The following RAB30 variants were observed in gnomAD, a reference collection of about 807,000 sequenced individuals.
RAB30 encodes the protein RAB30, member RAS oncogene family, also known as ras-related protein Rab-30.
RAB30 carries 9 observed loss-of-function variants against 25.1 expected under a neutral mutation model. The observed-to-expected ratio is 0.36, with a 90% CI of 0.22 to 0.63. The LOEUF is 0.63. Ranked by LOEUF, RAB30 falls within the 20% of genes least tolerant of loss-of-function variation. The probability of loss-of-function intolerance (pLI) is 0.69; values close to 1 mark genes in which losing one functional copy is unlikely to be tolerated. For missense variants in RAB30, 140 were observed against 243.5 expected, an observed-to-expected ratio of 0.58 and a Z score of 2.83; for synonymous variants, 77 against 86.4, an observed-to-expected ratio of 0.89 and a Z score of 0.60.
intron 1 of RAB30, among the ~76,000 whole-genome samples, chr11:83,032,987 T>A (rs564549192): frequency 1.3e-5 from 2 of 151,930 alleles, no homozygotes; most frequent in South Asian, 4.2e-4. Context: ...CATAATAATA[T>A]GGTTTTGATG....
At chr11:83,021,494 G>T (rs992668707) in intron 1 of RAB30, among the ~76,000 whole-genome samples, 1 of 152,212 alleles carries the variant, frequency 6.6e-6, no homozygotes, top group Non-Finnish European at 1.5e-5. Flanking sequence ...GCCTCACAGA[G>T]AGCTAGCGCC....
chr11:83,022,424 G>A (rs1189928157), intron 1 of RAB30, among the ~76,000 whole-genome samples: 1 of 152,044 alleles, frequency 6.6e-6, no homozygotes, highest in Non-Finnish European at 1.5e-5. Context: ...TTCCCAAAGT[G>A]TTGGTATTAC....
chr11:83,009,053 G>T (rs1237342796), intron 1 of RAB30, among the ~76,000 whole-genome samples: 1 of 150,518 alleles, frequency 6.6e-6, no homozygotes, highest in Non-Finnish European at 1.5e-5. Context: ...ATTTATTAAA[G>T]AAATGGCCAA....
intron 1 of RAB30, among the ~76,000 whole-genome samples, chr11:83,048,080 C>T (rs1338102979): frequency 1.3e-4 from 20 of 152,050 alleles, no homozygotes; most frequent in Admixed American, 1.2e-3. Context: ...CCTGTCTCTA[C>T]AAAAAATAAA....
intron 1 of RAB30, among the ~76,000 whole-genome samples, chr11:83,009,291 T>G (rs1046670055): frequency 1.8e-4 from 27 of 152,228 alleles, no homozygotes; most frequent in Middle Eastern, 6.8e-3. Context: ...TTCTCAAACT[T>G]CTGACCTCAG....
intron 1 of RAB30, among the ~76,000 whole-genome samples, chr11:83,027,091 GC>G (rs1334451885): frequency 6.6e-6 from 1 of 152,124 alleles, no homozygotes; most frequent in Non-Finnish European, 1.5e-5. Flanking sequence ...AACTCCAAAG[GC>G]CTGTCTCTGG....
At chr11:82,998,546 T>TA (rs34769119) in intron 1 of RAB30, among the ~76,000 whole-genome samples, 29,823 of 107,752 alleles carry the variant, frequency 0.28, 4,180 homozygotes, top group African/African-American at 0.42. Context: ...AGACTCTGTC[T>TA]AAAAAAAAAA....
intron 1 of RAB30, among the ~76,000 whole-genome samples, chr11:83,051,462 C>A (rs1189288999): frequency 2.0e-5 from 3 of 152,112 alleles, no homozygotes; most frequent in Non-Finnish European, 4.4e-5. Flanking sequence ...TGGGTTGCTT[C>A]CGTCCATAAC....
intron 1 of RAB30, among the ~76,000 whole-genome samples, chr11:83,061,634 T>C (rs1373534671): frequency 1.3e-5 from 2 of 151,982 alleles, no homozygotes; most frequent in Non-Finnish European, 2.9e-5. Context: ...AAAAGCAAAT[T>C]AATCCAGATA....
At chr11:83,054,443 G>C (rs1050540589) in intron 1 of RAB30, among the ~76,000 whole-genome samples, 1 of 152,210 alleles carries the variant, frequency 6.6e-6, no homozygotes, top group African/African-American at 2.4e-5. Flanking sequence ...TAGGTTTTTA[G>C]ATCTGGGAGA....
At chr11:83,038,654 C>T (rs1590869123) in intron 1 of RAB30, 1 of 152,018 alleles carries the variant, frequency 6.6e-6, no homozygotes, top group African/African-American at 2.4e-5. Context: ...AACCCTGTCT[C>T]TACTAAAAAT....
At chr11:83,028,575 T>C (rs1350061486) in intron 1 of RAB30, among the ~76,000 whole-genome samples, 1 of 152,032 alleles carries the variant, frequency 6.6e-6, no homozygotes, top group East Asian at 1.9e-4. Flanking sequence ...AGGTTATATA[T>C]AAAGAATCAG....
chr11:82,993,490 C>T (rs1478868654), intron 3 of RAB30, among the ~76,000 whole-genome samples: 1 of 152,202 alleles, frequency 6.6e-6, no homozygotes, highest in African/African-American at 2.4e-5. Flanking sequence ...TTGTCCTGTT[C>T]CTGGACACAC....
rs12282637 is a variant in RAB30 at position 82,976,406 on chromosome 11, T to C, written c.*5759A>G. On this transcript the variant is annotated 3_prime_UTR_variant, in exon 5 of 5. Transcript: ENST00000527633. ...CTCAAATATTGTGCTTCGTCTAAAG[T>C]CTCAGCTAATTTGTGGCATACTAGA... 38,735 of 152,078 alleles carry C rather than the reference T, an allele frequency of 0.25. 5,782 individuals are homozygous for C. Among genetic ancestry groups the C allele is most frequent in the Non-Finnish European group, 0.32 (22,017 of 67,966 alleles). The allele number at this position is 152,078 out of a possible 1,614,324, so 9.4% of individuals were successfully genotyped here.
intron 1 of RAB30, among the ~76,000 whole-genome samples, chr11:83,045,919 G>A (rs1462007708): frequency 1.3e-5 from 2 of 152,152 alleles, no homozygotes; most frequent in East Asian, 3.8e-4. Flanking sequence ...TTTGTTAAAT[G>A]AGAGGTTATA....
intron 1 of RAB30, among the ~76,000 whole-genome samples, chr11:83,000,127 C>G (rs191194307): frequency 1.3e-5 from 2 of 152,108 alleles, no homozygotes; most frequent in African/African-American, 4.8e-5. Flanking sequence ...TGCTGAGACA[C>G]AAGAGAAGTT....
At chr11:83,014,806 C>T (rs1428320406) in intron 1 of RAB30, among the ~76,000 whole-genome samples, 2 of 135,432 alleles carry the variant, frequency 1.5e-5, no homozygotes, top group Non-Finnish European at 3.2e-5. Flanking sequence ...GGGAGGGAGG[C>T]AGGAAGGAAG....
rs974505954 is a variant in RAB30, at chr11:82,976,743, A to G, written c.*5422T>C. On this transcript the variant is annotated 3_prime_UTR_variant, in exon 5 of 5. Transcript: ENST00000527633. ...AAAAAAACAAAACAAAACCATAAAA[A>G]AAGACCAATGAAGAGCCGTCTATCA... 5 of 152,280 alleles carry G rather than the reference A, an allele frequency of 3.3e-5. No homozygotes were observed. The highest frequency in any genetic ancestry group is 1.2e-4 in the African/African-American group (5 of 41,558). 9.4% of individuals were successfully genotyped at this position (152,280 alleles called of 1,614,324 possible).
intron 3 of RAB30, among the ~76,000 whole-genome samples, chr11:82,988,172 A>T (rs923632526): frequency 6.6e-6 from 1 of 152,154 alleles, no homozygotes; most frequent in Non-Finnish European, 1.5e-5. Flanking sequence ...CATAATACCC[A>T]TTTCTTGCAT....
Sources: allele counts gnomAD v4.1 joint callset (sites outside exome capture counted in the v4.1 genomes callset), GRCh38; gene constraint gnomAD v4.1.1; transcripts MANE v1.5; gene names NCBI Gene and HGNC (gene_info 2026-07-23, HGNC 2026-07-21).